ADNP2: variants seen among roughly 807,000 people sequenced by gnomAD.
ADNP2 encodes the protein ADNP homeobox 2.
In ADNP2, 8 loss-of-function variants were observed where a neutral mutation model predicts 16.4. The ratio of observed to expected loss-of-function variants is 0.49; its 90% CI spans 0.29 to 0.88. The LOEUF is 0.88. ADNP2 is among the 40% of genes least tolerant of loss of function. The pLI is 0.09. For missense variants in ADNP2, 1,397 were observed against 1,395.1 expected (o/e 1.00, Z -0.02); for synonymous variants, 637 against 545.8 (o/e 1.17, Z -2.33).
At position 80,137,584 on chromosome 18, in the gene ADNP2, G is replaced by C; in HGVS notation, c.2171G>C (p.Gly724Ala). The change falls in exon 4 of 4, where the codon GGT (glycine) becomes GCT (alanine). Residue 724 changes from glycine (G) to alanine (A), a missense_variant. Gly to Ala is a moderately conservative substitution (Grantham distance 60). Around this residue, in one of 3 missense-constraint regions of ADNP2, gnomAD observed 611 missense variants for 648.7 expected, o/e 0.94. Transcript: ENST00000262198. This position sits in a 1 kb window ranked among gnomAD's most constrained non-coding sequence, Gnocchi z 4.2. Reference protein sequence around the residue: ...VAHKHSESKSGEKLEPEKLAA... With the variant: ...VAHKHSESKSAEKLEPEKLAA... ...CATAAGCACAGCGAGTCCAAGTCTG[G>C]TGAGAAACTTGAGCCTGAAAAACTG... 6.2e-7 allele frequency: 1 copy of C among 1,614,222 alleles called. No individual in the cohort carries two copies.
chr18:80,137,372 C>G lies in ADNP2; in HGVS notation c.1959C>G (p.Ala653=), dbSNP rs138705695. 6.2e-7 allele frequency: 1 copy of G among 1,614,212 alleles called. No individual in the cohort carries two copies. Among genetic ancestry groups the G allele is most frequent in the Admixed American group, 1.7e-5 (1 of 60,032 alleles). Residue 653 remains alanine, a synonymous_variant, in exon 4 of 4, where the codon GCC becomes GCG. Transcript: ENST00000262198. This position sits in a 1 kb window ranked among gnomAD's most constrained non-coding sequence, Gnocchi z 4.2. ...LLPSGAAAPM[A]GSMPGMPSPP... ...CGTCAGGTGCAGCTGCACCAATGGC[C>G]GGTTCCATGCCCGGCATGCCCTCTC...
Position 80,123,562 on chromosome 18 carries a change from T to G in ADNP2, c.108+5912T>G, listed in dbSNP as rs867271507. ...TTTTTCTATTTTTAGTAGAGACGGG[T>G]TTTTCCTTGTTGGTCAGGCTGGTCT... On this transcript the variant is annotated intron_variant, in intron 2 of 3. Transcript: ENST00000262198. Among the ~76,000 whole-genome samples the G allele has an allele frequency of 1.1e-3, 164 of 150,096 alleles. 1 individual carries two copies. Among genetic ancestry groups the G allele is most frequent in the Middle Eastern group, 7.0e-3 (2 of 286 alleles).
chr18:80,112,913 CTGTT>C (rs1355565422), intron 1 of ADNP2, among the ~76,000 whole-genome samples: 9 of 152,328 alleles, frequency 5.9e-5, no homozygotes, highest in African/African-American at 2.2e-4. Context: ...TTAGACAACA[CTGTT>C]TGTCAGCCAG....
rs559173230 is a variant in ADNP2 at position 80,116,734 on chromosome 18, C to G, written c.-13-796C>G. On this transcript the variant is annotated intron_variant, in intron 1 of 3. Transcript: ENST00000262198. ...CACTGCAGCCTTGACCTCCTGGGCT[C>G]GGGTGATCCCCTCACCTCAGCCTCC... Among the ~76,000 whole-genome samples, 32 of 152,260 alleles carry G rather than the reference C, an allele frequency of 2.1e-4. No individual in the cohort carries two copies. In the South Asian group the frequency reaches 6.6e-3, roughly 32 times the overall value.
In ADNP2 at chr18:80,137,705, C is replaced by G. The variant is rs146244456; in HGVS notation, c.2292C>G (p.His764Gln). Residue 764 changes from histidine (H) to glutamine (Q), a missense_variant, in exon 4 of 4, where the codon CAC (histidine) becomes CAG (glutamine). Around this residue, in one of 3 missense-constraint regions of ADNP2, gnomAD observed 611 missense variants for 648.7 expected, o/e 0.94. Transcript: ENST00000262198. This position sits in a 1 kb window ranked among gnomAD's most constrained non-coding sequence, Gnocchi z 4.2. The part of the protein sequence containing the change: ...CLVSEEELIH[H>Q]LLMHGLGCLF... Reference sequence around the variant, plus strand: ...TCTCTGAGGAAGAGCTTATACACCACTTGCTGATGCATGGCTTGGGGTGCT... The same window carrying G: ...TCTCTGAGGAAGAGCTTATACACCAGTTGCTGATGCATGGCTTGGGGTGCT... 1 of 1,614,208 alleles carries G rather than the reference C, an allele frequency of 6.2e-7. No individual in the cohort carries two copies. Among genetic ancestry groups the G allele is most frequent in the Non-Finnish European group, 8.5e-7 (1 of 1,180,038 alleles).
chr18:80,116,258 C>G (rs536371977), intron 1 of ADNP2, among the ~76,000 whole-genome samples: 9 of 152,226 alleles, frequency 5.9e-5, no homozygotes, highest in African/African-American at 1.9e-4. Flanking sequence ...TTTATTTATC[C>G]AGTCATCAGT....
rs917970835 is a variant in ADNP2 at position 80,140,262 on chromosome 18, A to T, written c.*1453A>T. On this transcript the variant is annotated 3_prime_UTR_variant, in exon 4 of 4. Transcript: ENST00000262198. ...GTTGGTGTACTCTGTTGTAAATTCA[A>T]AGAGAGCTTGTTGAACATTTTTTTT... The T allele has an allele frequency of 6.6e-6, 1 of 152,564 alleles. No homozygotes were observed. Among genetic ancestry groups the T allele is most frequent in the African/African-American group, 2.4e-5 (1 of 41,434 alleles). The allele number at this position is 152,564 out of a possible 1,614,324, so 9.5% of individuals were successfully genotyped here. A position where few individuals can be genotyped will look rare whatever the true frequency, so the allele number is the denominator to read the frequency against.
At chr18:80,130,011 T>G (rs1304406326) in intron 2 of ADNP2, among the ~76,000 whole-genome samples, 3 of 152,234 alleles carry the variant, frequency 2.0e-5, no homozygotes, top group African/African-American at 2.4e-5. Flanking sequence ...CTGTGACTTT[T>G]CAAAGTGAGT....
chr18:80,110,085 A>G (rs1238374152), intron 1 of ADNP2: 1 of 152,154 alleles, frequency 6.6e-6, no homozygotes, highest in Non-Finnish European at 1.5e-5. Context: ...AGGTTTGAAG[A>G]ACAGCTGATA....
In ADNP2 at chr18:80,137,172, T is replaced by G. The variant is rs1159366935; in HGVS notation, c.1759T>G (p.Ser587Ala). 25 of 1,614,070 alleles carry G rather than the reference T, an allele frequency of 1.5e-5. No individual in the cohort carries two copies. The highest frequency in any genetic ancestry group is 2.1e-5 in the Non-Finnish European group (25 of 1,180,032). ...PVNQPVRPGA[S>A]QNTTFLTSGS... The stretch of plus-strand genomic sequence containing the variant: ...GAATCAGCCAGTGAGACCTGGTGCT[T>G]CGCAGAACACCACCTTCCTGACATC... Residue 587 changes from serine (S) to alanine (A), a missense_variant, in exon 4 of 4, where the codon TCG (serine) becomes GCG (alanine). By Grantham distance (99) the Ser-to-Ala change is moderately conservative. This residue lies in a region of ADNP2 where 777 missense variants were observed against 719.4 expected (regional missense o/e 1.08). Transcript: ENST00000262198. This position sits in a 1 kb window ranked among gnomAD's most constrained non-coding sequence, Gnocchi z 4.2.
chr18:80,118,431 C>CA (rs34136413), intron 2 of ADNP2, among the ~76,000 whole-genome samples: 89 of 134,976 alleles, frequency 6.6e-4, no homozygotes, highest in Admixed American at 1.1e-3. Flanking sequence ...GACTCTGTCT[C>CA]AAAAAAAAAA....
chr18:80,112,433 C>CA (rs958958900), intron 1 of ADNP2, among the ~76,000 whole-genome samples: 2,136 of 124,298 alleles, frequency 0.017, 37 homozygotes, highest in African/African-American at 0.053. Context: ...AACTGCTAAA[C>CA]AAAAAAAAAA....
rs2052533316 is a variant in ADNP2, at chr18:80,136,281, C to T, written c.868C>T (p.Pro290Ser). Residue 290 changes from proline to serine, a missense_variant, in exon 4 of 4, where the codon CCT becomes TCT. By Grantham distance (74) the Pro-to-Ser change is moderately conservative (BLOSUM62 -1). This residue lies in a region of ADNP2 where 777 missense variants were observed against 719.4 expected (regional missense o/e 1.08). Transcript: ENST00000262198. ...TGCTCCAAGCGCTCCAGCGCAGCCT[C>T]CTTGCTTCCATCTTGCTTTGCCACA... Reference protein sequence around the residue: ...GSAPSAPAQPPCFHLALPQNS... With the variant: ...GSAPSAPAQPSCFHLALPQNS... 1.9e-6 allele frequency: 3 copies of T among 1,613,514 alleles called. No individual in the cohort carries two copies. The highest frequency in any genetic ancestry group is 1.3e-5 in the African/African-American group (1 of 74,946).
At chr18:80,123,323 T>C (rs2052437059) in intron 2 of ADNP2, among the ~76,000 whole-genome samples, 3 of 151,826 alleles carry the variant, frequency 2.0e-5, no homozygotes, top group Non-Finnish European at 4.4e-5. Context: ...AGGGAAATGC[T>C]GTCTTCAAGA....
intron 2 of ADNP2, among the ~76,000 whole-genome samples, chr18:80,124,622 T>C (rs990660110): frequency 2.0e-5 from 3 of 152,086 alleles, no homozygotes; most frequent in Admixed American, 6.5e-5. Flanking sequence ...TTGTGGTGGC[T>C]TCCTTATGCA....
At position 80,136,431 on chromosome 18, in the gene ADNP2, G is replaced by C. The variant is rs1217310327; in HGVS notation, c.1018G>C (p.Val340Leu). Residue 340 changes from valine to leucine, a missense_variant, in exon 4 of 4, where the codon GTG (valine) becomes CTG (leucine). Transcript: ENST00000262198. ...GACTCTGGTCTCCAGCCCTCTGCCT[G>C]TGGGCCAGAACAGCCTCACCCTGCA... ...HMTLVSSPLP[V>L]GQNSLTLQPP... 1.2e-6 allele frequency: 2 copies of C among 1,614,020 alleles called. No individual in the cohort carries two copies. Among genetic ancestry groups the C allele is most frequent in the African/African-American group, 1.3e-5 (1 of 74,920 alleles).
intron 2 of ADNP2, among the ~76,000 whole-genome samples, chr18:80,122,213 C>G (rs1363722982): frequency 6.6e-6 from 1 of 152,182 alleles, no homozygotes; most frequent in Admixed American, 6.5e-5. Flanking sequence ...AGCCACTGTG[C>G]CCGGCACCTA....
At chr18:80,134,200 AT>A (rs1468995719) in intron 3 of ADNP2, among the ~76,000 whole-genome samples, 1 of 151,780 alleles carries the variant, frequency 6.6e-6, no homozygotes, top group Non-Finnish European at 1.5e-5. Context: ...AGCCCCATTG[AT>A]TTTTCTCATC....
Position 80,136,915 on chromosome 18 carries a change from G to A in ADNP2, c.1502G>A (p.Gly501Asp), listed in dbSNP as rs1458133752. The A allele has an allele frequency of 6.2e-7, 1 of 1,613,778 alleles. No individual in the cohort carries two copies. The highest frequency in any genetic ancestry group is 1.3e-5 in the African/African-American group (1 of 74,818). ...QTAPSRVLPP[G>D]QTAPLRVISA... ...GCTCCGTCACGGGTTCTTCCCCCAG[G>A]CCAGACAGCCCCATTGAGGGTTATC... The change falls in exon 4 of 4, where the codon GGC becomes GAC. Residue 501 changes from glycine (G) to aspartate (D), a missense_variant. This residue lies in a region of ADNP2 where 777 missense variants were observed against 719.4 expected (regional missense o/e 1.08). Coordinates refer to ENST00000262198, the MANE Select transcript of ADNP2 (RefSeq NM_014913.4).
Sources: gnomAD v4.1 joint callset for allele counts (sites outside exome capture counted in the v4.1 genomes callset) on GRCh38, gnomAD v4.1.1 for gene constraint, gnomAD v4.1.1 regional missense constraint, Gnocchi (gnomAD v3.1) non-coding constraint, MANE v1.5 for transcripts, NCBI Gene and HGNC (gene_info 2026-07-23, HGNC 2026-07-21) for gene names.